MME: variants seen among roughly 807,000 people sequenced by gnomAD.
MME encodes neprilysin.
MME carries 98 observed loss-of-function variants against 113.2 expected under a neutral mutation model. That is an observed-to-expected ratio of 0.87 (90% CI 0.74 to 1.02). MME has a LOEUF of 1.02. Ranked by LOEUF, MME falls within the 50% of genes least tolerant of loss-of-function variation. The pLI, the probability that MME is intolerant of heterozygous loss-of-function variation, is 0.00. For missense variants in MME, 836 were observed against 896.0 expected, an observed-to-expected ratio of 0.93 and a Z score of 0.86; for synonymous variants, 292 against 300.6, an observed-to-expected ratio of 0.97 and a Z score of 0.30.
chr3:155,126,442 T>C (rs17384425), intron 8 of MME, among the ~76,000 whole-genome samples: 15,019 of 152,204 alleles, frequency 0.099, 962 homozygotes, highest in Non-Finnish European at 0.15. Context: ...GTTGCATTTT[T>C]GCATTTTATA....
intron 1 of MME, among the ~76,000 whole-genome samples, chr3:155,042,180 C>T (rs1211860776): frequency 1.3e-5 from 2 of 152,118 alleles, no homozygotes; most frequent in Non-Finnish European, 2.9e-5. Flanking sequence ...TTTCCCAATG[C>T]CTCTTTCAAA....
upstream of MME, chr3:155,079,624 A>AGGGGGGGGGGGGGGGGG (rs1559902583): frequency 5.2e-4 from 1 of 1,908 alleles, no homozygotes; most frequent in East Asian, 8.1e-3. Context: ...GAGGCGGGGT[A>AGGGGGGGGGGGGGGGGG]GGGGGTGGGG....
At chr3:155,144,655 A>G (rs747173120) in intron 14 of MME, among the ~76,000 whole-genome samples, 198 bp downstream of exon 14, 1 of 152,198 alleles carries the variant, frequency 6.6e-6, no homozygotes, top group Non-Finnish European at 1.5e-5. Flanking sequence ...TCTGCAACCA[A>G]TACTCTAGCA....
At chr3:155,047,410 C>T (rs1034118887) in intron 1 of MME, among the ~76,000 whole-genome samples, 2 of 152,154 alleles carry the variant, frequency 1.3e-5, no homozygotes, top group African/African-American at 2.4e-5. Flanking sequence ...TGTGTAAGTA[C>T]ACTCTATGGT....
chr3:155,051,748 T>A (rs950898849), intron 1 of MME, among the ~76,000 whole-genome samples: 1 of 152,130 alleles, frequency 6.6e-6, no homozygotes, highest in African/African-American at 2.4e-5. Flanking sequence ...CCTAACCATA[T>A]CATTCCGTCT....
At chr3:155,145,078 A>G (rs1026136912) in intron 14 of MME, among the ~76,000 whole-genome samples, 7 of 152,200 alleles carry the variant, frequency 4.6e-5, no homozygotes, top group African/African-American at 1.7e-4. Flanking sequence ...GTTTTCTTTT[A>G]GAATTAAATC....
At chr3:155,042,021 CTATT>C (rs1713339711) in intron 1 of MME, among the ~76,000 whole-genome samples, 1 of 152,222 alleles carries the variant, frequency 6.6e-6, no homozygotes, top group Admixed American at 6.5e-5. Flanking sequence ...TATAAAAACT[CTATT>C]TAGCCTTTAA....
chr3:155,043,023 A>AT (rs1164275004), intron 1 of MME, among the ~76,000 whole-genome samples: 3 of 143,350 alleles, frequency 2.1e-5, no homozygotes, highest in Non-Finnish European at 3.0e-5. Context: ...AGATACTCAC[A>AT]TTTTTTTGTT....
chr3:155,137,275 C>G (rs116659073), intron 8 of MME, among the ~76,000 whole-genome samples: 2 of 151,976 alleles, frequency 1.3e-5, no homozygotes, highest in Non-Finnish European at 2.9e-5. Flanking sequence ...GAGCTCCTGA[C>G]AACACAGCTT....
At position 155,037,376 on chromosome 3, in the gene MME, A is replaced by G. The variant is rs148858482; in HGVS notation, c.-11+13052A>G. On this transcript the variant is annotated intron_variant, in intron 1 of 22. Coordinates refer to the MME transcript ENST00000492661. ...AATTATCCTCACTTTAGAGGAGGAAATTGAACTACAAAGAAATTGAGTAAT... is the reference window on the plus strand; with the variant it reads ...AATTATCCTCACTTTAGAGGAGGAAGTTGAACTACAAAGAAATTGAGTAAT... 2.8e-3 allele frequency among the ~76,000 whole-genome samples: 433 copies of G among 152,342 alleles called. 3 individuals are homozygous for G. The highest frequency in any genetic ancestry group is 0.01 in the African/African-American group (416 of 41,588).
chr3:155,046,647 G>A (rs545144746), intron 1 of MME, among the ~76,000 whole-genome samples: 15 of 152,278 alleles, frequency 9.9e-5, no homozygotes, highest in African/African-American at 2.6e-4. Flanking sequence ...CTGAGATCAC[G>A]CCACTGCCCT....
rs1016618448 is a variant in MME, at chr3:155,138,025, A to G, written c.721-77A>G. 2.6e-6 allele frequency: 4 copies of G among 1,513,472 alleles called. No homozygotes were observed. In the African/African-American group the frequency reaches 5.5e-5, roughly 21 times the overall value. The allele number at this position is 1,513,472 out of a possible 1,614,324, so 93.8% of individuals were successfully genotyped here. On this transcript the variant is annotated intron_variant, in intron 8 of 22. Coordinates refer to ENST00000360490, the MANE Select transcript of MME (RefSeq NM_007289.4). Reference sequence around the variant, plus strand: ...TATCTATTACCAAAAATTAATATTGAAATGAAAATAAATTTTAAGTACCAT... The same window carrying G: ...TATCTATTACCAAAAATTAATATTGGAATGAAAATAAATTTTAAGTACCAT...
In MME at chr3:155,118,765, G is replaced by C. The variant is rs147564881; in HGVS notation, c.674G>C (p.Gly225Ala). 2,369 of 1,601,552 alleles carry C rather than the reference G, an allele frequency of 1.5e-3. 3 individuals are homozygous for C. Among genetic ancestry groups the C allele is most frequent in the Middle Eastern group, 6.3e-3 (38 of 6,028 alleles). The change falls in exon 8 of 23, where the codon GGC becomes GCC. Residue 225 changes from glycine to alanine, a missense_variant. By Grantham distance (60) the Gly-to-Ala change is moderately conservative. Transcript: ENST00000360490. ...TTATAGATTGACCAACCTCGACTTG[G>C]CCTCCCTTCTAGAGATTACTATGAA... ...HVIHIDQPRL[G>A]LPSRDYYECT...
chr3:155,039,441 A>T (rs1713233640), intron 1 of MME, among the ~76,000 whole-genome samples: 1 of 152,196 alleles, frequency 6.6e-6, no homozygotes, highest in Non-Finnish European at 1.5e-5. Flanking sequence ...TGTTTGGGTT[A>T]AAAATTGCAA....
At chr3:155,106,602 C>T (rs971711344) in intron 3 of MME, among the ~76,000 whole-genome samples, 2 of 152,182 alleles carry the variant, frequency 1.3e-5, no homozygotes, top group Non-Finnish European at 2.9e-5. Flanking sequence ...GTTGTGATTA[C>T]ATTGCATTTT....
At chr3:155,060,578 G>A (rs1208878473) in intron 1 of MME, among the ~76,000 whole-genome samples, 1 of 149,404 alleles carries the variant, frequency 6.7e-6, no homozygotes, top group East Asian at 1.9e-4. Flanking sequence ...GAGCAAAATG[G>A]TGAGAGTGGG....
At chr3:155,055,832 A>G (rs76717711) in intron 1 of MME, among the ~76,000 whole-genome samples, 6,652 of 152,220 alleles carry the variant, frequency 0.044, 159 homozygotes, top group African/African-American at 0.052. Flanking sequence ...TATACTTACG[A>G]CTTATTCATT....
intron 7 of MME, among the ~76,000 whole-genome samples, chr3:155,117,610 T>A (rs1024775560): frequency 1.6e-5 from 2 of 128,268 alleles, no homozygotes; most frequent in African/African-American, 2.7e-5. Flanking sequence ...TTTTTTTTTT[T>A]TTTTGGTTTC....
At chr3:155,024,634 A>G (rs764173775) in intron 1 of MME, among the ~76,000 whole-genome samples, 1 of 152,164 alleles carries the variant, frequency 6.6e-6, no homozygotes, top group African/African-American at 2.4e-5. Flanking sequence ...CTGCTATATT[A>G]TAACTGATAT....
Sources: allele counts gnomAD v4.1 joint callset (sites outside exome capture counted in the v4.1 genomes callset), GRCh38; gene constraint gnomAD v4.1.1; transcripts MANE v1.5; gene names NCBI Gene and HGNC (gene_info 2026-07-23, HGNC 2026-07-21).